HBS1L: variants seen among roughly 807,000 people sequenced by gnomAD.
The protein encoded by HBS1L is HBS1 like translational GTPase.
A neutral mutation model predicts 88.9 loss-of-function variants in HBS1L; 55 were observed. That is an observed-to-expected ratio of 0.62 (90% confidence interval 0.50 to 0.77). The LOEUF (loss-of-function observed/expected upper bound fraction) is 0.77. HBS1L is among the 30% of genes least tolerant of loss of function. HBS1L has a pLI of 0.00. For missense variants in HBS1L, 741 were observed against 829.3 expected (o/e 0.89, Z 1.31); for synonymous variants, 267 against 288.5 (o/e 0.93, Z 0.76).
chr6:135,026,246 A>G (rs1173099141), intron 4 of HBS1L, among the ~76,000 whole-genome samples: 1 of 152,222 alleles, frequency 6.6e-6, no homozygotes, highest in Non-Finnish European at 1.5e-5. Context: ...ACCTTACCTA[A>G]GAATTTAAAA....
Position 134,998,733 on chromosome 6 carries a change from G to A in HBS1L, c.540-1077C>T, listed in dbSNP as rs569737180. Among the ~76,000 whole-genome samples, 219 of 152,210 alleles carry A rather than the reference G, an allele frequency of 1.4e-3. 4 individuals are homozygous for A. The South Asian group carries it at 0.043, about 30-fold the overall frequency. Reference sequence around the variant, plus strand: ...GGGCATTTTTATATGCCCAACATTAGCCCTTCACAATACGCCTCAGGAAAA... The same window carrying A: ...GGGCATTTTTATATGCCCAACATTAACCCTTCACAATACGCCTCAGGAAAA... On this transcript the variant is annotated intron_variant, in intron 5 of 17. Coordinates refer to ENST00000367837, the MANE Select transcript of HBS1L (RefSeq NM_006620.4).
At chr6:134,976,057 GA>G (rs1393675552) in intron 15 of HBS1L, among the ~76,000 whole-genome samples, 1 of 151,350 alleles carries the variant, frequency 6.6e-6, no homozygotes, top group African/African-American at 2.4e-5. Flanking sequence ...AAATCAGCAA[GA>G]AAAAAAAGCA....
chr6:134,980,945 T>C (rs1006167740), intron 13 of HBS1L, among the ~76,000 whole-genome samples: 1 of 151,814 alleles, frequency 6.6e-6, no homozygotes, highest in Admixed American at 6.6e-5. Flanking sequence ...AACCTCTCTG[T>C]TGAGTTAAAA....
At chr6:134,992,683 A>T (rs1341962069) in intron 8 of HBS1L, among the ~76,000 whole-genome samples, 4 of 152,220 alleles carry the variant, frequency 2.6e-5, no homozygotes, top group African/African-American at 9.6e-5. Context: ...CAGCTGTACA[A>T]CGTTTGTGCT....
At chr6:135,012,749 T>C (rs1775811015) in intron 4 of HBS1L, among the ~76,000 whole-genome samples, 1 of 152,210 alleles carries the variant, frequency 6.6e-6, no homozygotes, top group Admixed American at 6.5e-5. Flanking sequence ...TCTATTTCCA[T>C]GTTTCATGCA....
intron 8 of HBS1L, among the ~76,000 whole-genome samples, chr6:134,989,972 C>G (rs1316305875): frequency 1.3e-5 from 2 of 152,086 alleles, no homozygotes; most frequent in African/African-American, 4.8e-5. Context: ...TCACAGAAAC[C>G]CTAGGGAGTA....
intron 4 of HBS1L, chr6:135,036,206 G>A: frequency 2.1e-6 from 2 of 937,018 alleles, no homozygotes; most frequent in Non-Finnish European, 2.5e-6. Flanking sequence ...TTTCGTTTAA[G>A]AACAAAGCAC....
intron 4 of HBS1L, among the ~76,000 whole-genome samples, chr6:135,025,783 T>C (rs1415791763): frequency 6.6e-6 from 1 of 152,146 alleles, no homozygotes; most frequent in East Asian, 1.9e-4. Context: ...TTTTTGAAGT[T>C]TTATGATATC....
intron 4 of HBS1L, chr6:135,036,965 T>A: frequency 1.3e-6 from 2 of 1,551,472 alleles, no homozygotes; most frequent in Non-Finnish European, 1.7e-6. Context: ...AAATCTGGGT[T>A]TTTTATAAGG....
intron 1 of HBS1L, among the ~76,000 whole-genome samples, chr6:135,051,508 C>T (rs560758751): frequency 2.0e-5 from 3 of 152,230 alleles, no homozygotes; most frequent in Admixed American, 6.5e-5. Context: ...CTAGATTTTC[C>T]GAGGCCATTT....
At chr6:134,979,968 A>T (rs1774779013) in intron 13 of HBS1L, among the ~76,000 whole-genome samples, 1 of 152,090 alleles carries the variant, frequency 6.6e-6, no homozygotes, top group South Asian at 2.1e-4. Flanking sequence ...ACCTAGACAT[A>T]GTCCTGAAGG....
chr6:135,014,671 C>T (rs1230084016), intron 4 of HBS1L, among the ~76,000 whole-genome samples: 1 of 151,878 alleles, frequency 6.6e-6, no homozygotes, highest in African/African-American at 2.4e-5. Context: ...ATGACTCTAA[C>T]CTAGACACTG....
chr6:135,027,301 A>G (rs1340283765), intron 4 of HBS1L: 2 of 151,972 alleles, frequency 1.3e-5, no homozygotes, highest in East Asian at 1.9e-4. Context: ...CTATGAAACT[A>G]CAGAGAACTA....
At chr6:135,019,564 T>A (rs2114852257) in intron 4 of HBS1L, among the ~76,000 whole-genome samples, 1 of 151,988 alleles carries the variant, frequency 6.6e-6, no homozygotes, top group East Asian at 1.9e-4. Context: ...ACACAGGCCT[T>A]CATAGATTCG....
chr6:135,038,140 T>TAA, intron 4 of HBS1L: 1 of 763,196 alleles, frequency 1.3e-6, no homozygotes, highest in Non-Finnish European at 2.0e-6. Flanking sequence ...AATGCTTCTT[T>TAA]TGATTATGAC....
rs1174601694 is a variant in HBS1L at position 135,015,882 on chromosome 6, C to CT, written c.431-13041dup. ...ATAGGCATGAGCTAACGAGCCCAGCCTTTTTTTTTTTTTTTTTTTCCAGAC... is the reference window on the plus strand; with the variant it reads ...ATAGGCATGAGCTAACGAGCCCAGCCTTTTTTTTTTTTTTTTTTTTCCAGAC... On this transcript the variant is annotated intron_variant, in intron 4 of 17. Transcript: ENST00000367837. Among the ~76,000 whole-genome samples the CT allele has an allele frequency of 3.9e-3, 456 of 116,936 alleles. 1 individual carries two copies. Among genetic ancestry groups the CT allele is most frequent in the African/African-American group, 0.012 (350 of 30,222 alleles). The allele number at this position is 116,936 out of a possible 152,430, so 76.7% of individuals were successfully genotyped here.
intron 7 of HBS1L, among the ~76,000 whole-genome samples, chr6:134,996,174 T>C (rs1378542829): frequency 6.6e-6 from 1 of 152,152 alleles, no homozygotes; most frequent in African/African-American, 2.4e-5. Flanking sequence ...ACATGATCTA[T>C]ACTGACACTC....
At chr6:135,037,722 T>C (rs1292362653) in intron 4 of HBS1L, 1 of 1,551,072 alleles carries the variant, frequency 6.4e-7, no homozygotes, top group Non-Finnish European at 8.7e-7. Flanking sequence ...TGTCTGTAGA[T>C]GATAATCTGA....
intron 5 of HBS1L, among the ~76,000 whole-genome samples, chr6:135,002,070 A>G (rs1025181682): frequency 3.9e-5 from 3 of 77,084 alleles, no homozygotes; most frequent in Non-Finnish European, 8.7e-5. Flanking sequence ...ATAAGTAACA[A>G]TTGAAAATTC....
Sources: gnomAD v4.1 joint callset for allele counts (sites outside exome capture counted in the v4.1 genomes callset) on GRCh38, gnomAD v4.1.1 for gene constraint, MANE v1.5 for transcripts, NCBI Gene and HGNC (gene_info 2026-07-23, HGNC 2026-07-21) for gene names.